Variants in PHF14 observed in about 807,000 individuals in gnomAD.
PHF14 encodes the protein PHD finger protein 14.
A neutral mutation model predicts 117.9 loss-of-function variants in PHF14; 55 were observed. That is an observed-to-expected ratio of 0.47 (90% CI 0.38 to 0.58). PHF14 has a LOEUF of 0.58. PHF14 is among the 20% of genes least tolerant of loss of function. The pLI, the probability that PHF14 is intolerant of heterozygous loss-of-function variation, is 0.00. For synonymous variants in PHF14, 409 were observed against 368.6 expected, an observed-to-expected ratio of 1.11 and a Z score of -1.26; for missense variants, 978 against 1,122.2, an observed-to-expected ratio of 0.87 and a Z score of 1.84.
intron 17 of PHF14, among the ~76,000 whole-genome samples, chr7:11,117,237 C>T (rs199557830): frequency 1.9e-3 from 286 of 151,926 alleles, no homozygotes; most frequent in African/African-American, 6.6e-3. Context: ...TGTGAGAAGC[C>T]ATGGAGTATA....
At chr7:11,009,695 A>G (rs1031351847) in intron 4 of PHF14, among the ~76,000 whole-genome samples, 3 of 152,242 alleles carry the variant, frequency 2.0e-5, no homozygotes, top group Non-Finnish European at 2.9e-5. Context: ...GAAATATGGG[A>G]TAAGTGGCAG....
At chr7:11,010,630 A>G (rs1396384217) in intron 4 of PHF14, among the ~76,000 whole-genome samples, 3 of 152,088 alleles carry the variant, frequency 2.0e-5, no homozygotes, top group African/African-American at 4.8e-5. Context: ...TGAAATCCAT[A>G]TATACATATA....
At chr7:11,094,549 C>T (rs1040045318) in intron 16 of PHF14, among the ~76,000 whole-genome samples, 3 of 152,134 alleles carry the variant, frequency 2.0e-5, no homozygotes, top group African/African-American at 7.2e-5. Flanking sequence ...ATCCCTTTTA[C>T]CATACAAGAT....
In PHF14 at chr7:11,092,918, A is replaced by G. The variant is rs1249134625; in HGVS notation, c.2655-18432A>G. Among the ~76,000 whole-genome samples, 10 of 152,216 alleles carry G rather than the reference A, an allele frequency of 6.6e-5. No individual in the cohort carries two copies. The East Asian group carries it at 1.4e-3, about 21-fold the overall frequency. The stretch of plus-strand genomic sequence containing the variant: ...AGTTAAAGGGTGTTTTTTTCCCCCT[A>G]ATAGTGACCCTTGAATCAGATTGGC... On this transcript the variant is annotated intron_variant, in intron 16 of 17. Coordinates refer to ENST00000634607, the MANE Select transcript of PHF14 (RefSeq NM_001007157.2).
chr7:11,037,141 A>G (rs1398308365), intron 10 of PHF14, 50 bp downstream of exon 10: 1 of 1,409,496 alleles, frequency 7.1e-7, no homozygotes, highest in Non-Finnish European at 9.4e-7. Flanking sequence ...CTTACTGATG[A>G]TTTCTTTTGT....
In PHF14 at chr7:11,023,877, C is replaced by CT. The variant is rs201573304; in HGVS notation, c.1317+899dup. Among the ~76,000 whole-genome samples the CT allele has an allele frequency of 3.8e-3, 585 of 152,226 alleles. 4 individuals are homozygous for CT. Among genetic ancestry groups the CT allele is most frequent in the Middle Eastern group, 0.017 (5 of 294 alleles). On this transcript the variant is annotated intron_variant, in intron 6 of 17. Transcript: ENST00000634607. ...CCAATTAATAATTCTACAGTGGCCT[C>CT]TAAGTGTTCAAGTGAAAGGAAGAGT...
chr7:10,978,092 C>G (rs1781928991), intron 2 of PHF14, among the ~76,000 whole-genome samples: 1 of 152,096 alleles, frequency 6.6e-6, no homozygotes, highest in African/African-American at 2.4e-5. Flanking sequence ...TTTAGTTAGG[C>G]CATATTGCCA....
chr7:11,077,150 A>G (rs1785891237), intron 16 of PHF14, among the ~76,000 whole-genome samples: 1 of 152,096 alleles, frequency 6.6e-6, no homozygotes. Context: ...TCATCTATTT[A>G]CTAAATGCTT....
At chr7:11,044,798 C>T (rs1026230134) in intron 13 of PHF14, among the ~76,000 whole-genome samples, 1 of 152,038 alleles carries the variant, frequency 6.6e-6, no homozygotes, top group African/African-American at 2.4e-5. Flanking sequence ...ATGATAAACG[C>T]AGGTTGAGTA....
At chr7:11,163,866 G>A (rs1789121595) in intron 17 of PHF14, among the ~76,000 whole-genome samples, 1 of 152,128 alleles carries the variant, frequency 6.6e-6, no homozygotes, top group Non-Finnish European at 1.5e-5. Flanking sequence ...ACCACAGATG[G>A]AAGCCAAGTA....
chr7:11,016,972 G>C (rs541099963), intron 5 of PHF14, among the ~76,000 whole-genome samples: 1 of 152,150 alleles, frequency 6.6e-6, no homozygotes, highest in South Asian at 2.1e-4. Context: ...TTGGTTTTTA[G>C]ATCCCACAAA....
At chr7:11,056,836 A>C (rs1383795827) in intron 14 of PHF14, among the ~76,000 whole-genome samples, 1 of 149,386 alleles carries the variant, frequency 6.7e-6, no homozygotes, top group Non-Finnish European at 1.5e-5. Flanking sequence ...TTTATATATT[A>C]GAATAAATTT....
At chr7:10,976,814 C>T (rs1361034341) in intron 2 of PHF14, among the ~76,000 whole-genome samples, 1 of 150,080 alleles carries the variant, frequency 6.7e-6, no homozygotes, top group South Asian at 2.1e-4. Flanking sequence ...TATTTACTTT[C>T]TGTTCCCTCT....
intron 3 of PHF14, 79 bp from the exon 4 acceptor site, chr7:10,990,624 T>C: frequency 1.2e-6 from 1 of 822,798 alleles, no homozygotes. Flanking sequence ...AATGTTTAAG[T>C]AATAAAGAAT....
rs189989788 is a variant in PHF14 at position 11,133,443 on chromosome 7, A to C, written c.2772+21976A>C. Among the ~76,000 whole-genome samples, 168 of 152,090 alleles carry C rather than the reference A, an allele frequency of 1.1e-3. 2 individuals carry two copies. The highest frequency in any genetic ancestry group is 3.1e-4 in the Non-Finnish European group (21 of 67,866). On this transcript the variant is annotated intron_variant, in intron 17 of 17. Transcript: ENST00000634607. ...ACAATGCAGCAAAGGCAATTCAGTA[A>C]AGAAAATATAGTCTTTTCAGTTAAT...
At chr7:10,993,821 C>T (rs745778611) in intron 4 of PHF14, among the ~76,000 whole-genome samples, 1 of 151,216 alleles carries the variant, frequency 6.6e-6, no homozygotes, top group Non-Finnish European at 1.5e-5. Context: ...TCAGCCTGGC[C>T]AAAATGGTGA....
At chr7:11,001,092 G>A (rs950990518) in intron 4 of PHF14, among the ~76,000 whole-genome samples, 1 of 151,548 alleles carries the variant, frequency 6.6e-6, no homozygotes, top group Non-Finnish European at 1.5e-5. Context: ...GGTCTGTCTC[G>A]GAATTCATTA....
intron 4 of PHF14, among the ~76,000 whole-genome samples, chr7:10,992,877 A>G (rs961146828): frequency 6.6e-6 from 1 of 152,200 alleles, no homozygotes; most frequent in African/African-American, 2.4e-5. Context: ...CCTTTAATGT[A>G]GAACAGTCCT....
At chr7:11,016,086 G>T (rs1199680076) in intron 5 of PHF14, among the ~76,000 whole-genome samples, 2 of 151,956 alleles carry the variant, frequency 1.3e-5, no homozygotes, top group Non-Finnish European at 2.9e-5. Flanking sequence ...TACCATTTAG[G>T]TTTACTGAGG....
Sources: allele counts gnomAD v4.1 joint callset (sites outside exome capture counted in the v4.1 genomes callset), GRCh38; gene constraint gnomAD v4.1.1; transcripts MANE v1.5; gene names NCBI Gene and HGNC (gene_info 2026-07-23, HGNC 2026-07-21).